Variants in KIFAP3 observed in about 807,000 individuals in gnomAD.
The protein encoded by KIFAP3 is kinesin associated protein 3.
Under a neutral mutation model 106.5 loss-of-function variants are expected in KIFAP3, and 68 were observed. That is an observed-to-expected ratio of 0.64 (90% CI 0.53 to 0.78). The LOEUF (loss-of-function observed/expected upper bound fraction) is 0.78. KIFAP3 is among the 30% of genes least tolerant of loss of function. KIFAP3 has a pLI of 0.00. For synonymous variants in KIFAP3, 320 were observed against 311.5 expected, an observed-to-expected ratio of 1.03 and a Z score of -0.29; for missense variants, 780 against 941.8, an observed-to-expected ratio of 0.83 and a Z score of 2.25.
intron 18 of KIFAP3, among the ~76,000 whole-genome samples, chr1:169,958,516 A>G (rs16862850): frequency 0.021 from 3,177 of 152,316 alleles, 117 homozygotes; most frequent in African/African-American, 0.069. Context: ...AGAAAAAGAA[A>G]TAACTAAAAT....
chr1:169,921,906 T>C, intron 19 of KIFAP3, 125 bp from the exon 20 acceptor site: 1 of 589,476 alleles, frequency 1.7e-6, no homozygotes, highest in Non-Finnish European at 2.7e-6. Context: ...TTTAGGTGGA[T>C]ATCATTAACT....
chr1:170,061,873 T>G (rs1306988194), intron 1 of KIFAP3, among the ~76,000 whole-genome samples: 1 of 152,160 alleles, frequency 6.6e-6, no homozygotes. Flanking sequence ...GGGACATGGA[T>G]GAAGCTGGAA....
intron 1 of KIFAP3, among the ~76,000 whole-genome samples, chr1:170,062,420 C>A (rs947519694): frequency 6.6e-6 from 1 of 151,888 alleles, no homozygotes; most frequent in African/African-American, 2.4e-5. Context: ...GCTTACAAAA[C>A]TTCTTTTGTT....
chr1:169,934,402 T>C (rs1474644792), intron 19 of KIFAP3, among the ~76,000 whole-genome samples: 1 of 152,154 alleles, frequency 6.6e-6, no homozygotes, highest in Admixed American at 6.6e-5. Flanking sequence ...TGAAACTTAC[T>C]GACAGATTCT....
intron 1 of KIFAP3, among the ~76,000 whole-genome samples, chr1:170,084,485 C>T (rs1454118021): frequency 6.6e-6 from 1 of 152,158 alleles, no homozygotes; most frequent in Non-Finnish European, 1.5e-5. Context: ...TAATTATTGA[C>T]TATATTAATG....
chr1:169,929,500 T>C (rs1558170621), intron 19 of KIFAP3, among the ~76,000 whole-genome samples: 1 of 152,124 alleles, frequency 6.6e-6, no homozygotes, highest in Non-Finnish European at 1.5e-5. Flanking sequence ...AATAAATATA[T>C]ATTTTAAGTT....
In KIFAP3 at chr1:170,035,481, A is replaced by C; in HGVS notation, c.590T>G (p.Ile197Arg). The C allele has an allele frequency of 6.2e-7, 1 of 1,608,490 alleles. No individual in the cohort carries two copies. Among genetic ancestry groups the C allele is most frequent in the Non-Finnish European group, 8.5e-7 (1 of 1,176,946 alleles). ...WKQSVELATN[I>R]IYIFFCFSSF... ...GGAGAAACAAAAAAAGATGTAAATT[A>C]TGTTTGTAGCTAACTCGACACTTTG... Residue 197 changes from isoleucine to arginine, a missense_variant, in exon 6 of 20, where the codon ATA (isoleucine) becomes AGA (arginine). Ile to Arg is a moderately conservative substitution (Grantham distance 97, BLOSUM62 -3). This residue lies in a region of KIFAP3 where 588 missense variants were observed against 678.9 expected (regional missense o/e 0.87). Transcript: ENST00000361580.
chr1:169,935,363 T>A (rs1288550190), intron 19 of KIFAP3, among the ~76,000 whole-genome samples: 1 of 152,040 alleles, frequency 6.6e-6, no homozygotes, highest in Non-Finnish European at 1.5e-5. Context: ...TGATACTGTC[T>A]ACACAAATCT....
At chr1:170,061,034 T>G (rs564764085) in intron 1 of KIFAP3, among the ~76,000 whole-genome samples, 1 of 152,186 alleles carries the variant, frequency 6.6e-6, no homozygotes, top group Non-Finnish European at 1.5e-5. Context: ...AAGACTTAAA[T>G]GTTAGACCTA....
intron 15 of KIFAP3, among the ~76,000 whole-genome samples, chr1:169,978,880 G>C (rs1666367236): frequency 6.6e-6 from 1 of 152,010 alleles, no homozygotes; most frequent in Admixed American, 6.6e-5. Context: ...GTCCCTTAAA[G>C]TTCAATTTGT....
At chr1:170,004,255 A>G (rs937731805) in intron 10 of KIFAP3, among the ~76,000 whole-genome samples, 11 of 152,216 alleles carry the variant, frequency 7.2e-5, no homozygotes, top group African/African-American at 2.4e-4. Flanking sequence ...TAGGAAGAAT[A>G]AATATTGTGA....
intron 19 of KIFAP3, among the ~76,000 whole-genome samples, chr1:169,928,723 T>TAAAAAAAAAAAAAAAAAAAAAAAAAA (rs1258694998): frequency 4.6e-4 from 30 of 65,396 alleles, no homozygotes; most frequent in South Asian, 1.0e-3. Flanking sequence ...AAAAAAAAAT[T>TAAAAAAAAAAAAAAAAAAAAAAAAAA]AAAGTTATAC....
chr1:170,045,463 A>G (rs1168347786), intron 3 of KIFAP3, among the ~76,000 whole-genome samples: 1 of 152,208 alleles, frequency 6.6e-6, no homozygotes, highest in Non-Finnish European at 1.5e-5. Flanking sequence ...AAAAGAGCCT[A>G]TATGGCCAAC....
Position 169,921,897 on chromosome 1 carries a change from T to G in KIFAP3, c.2274-116A>C, listed in dbSNP as rs544733595. 177 of 717,848 alleles carry G rather than the reference T, an allele frequency of 2.5e-4. 2 individuals are homozygous for G. In the South Asian group the frequency reaches 3.1e-3, roughly 12 times the overall value. 44.5% of individuals were successfully genotyped at this position (717,848 alleles called of 1,614,324 possible). ...TTCTCTTCCTAGCAGGGATAGTGAT[T>G]TAGGTGGATATCATTAACTTTTTTT... On this transcript the variant is annotated intron_variant, in intron 19 of 19. Coordinates refer to ENST00000361580, the MANE Select transcript of KIFAP3 (RefSeq NM_014970.4).
rs796207132 is a variant in KIFAP3, at chr1:169,971,743, T to C, written c.1983+770A>G. On this transcript the variant is annotated intron_variant, in intron 17 of 19. Coordinates refer to ENST00000361580, the MANE Select transcript of KIFAP3 (RefSeq NM_014970.4). ...TGTTTAAAAAGCTAAAGTTAAACTT[T>C]TAAAACTACTGAGTAGGCTACATTC... 1.3e-5 allele frequency among the ~76,000 whole-genome samples: 2 copies of C among 152,042 alleles called. 1 individual carries two copies. The highest frequency in any genetic ancestry group is 4.1e-4 in the South Asian group (2 of 4,826).
At chr1:169,927,566 G>T (rs942859734) in intron 19 of KIFAP3, among the ~76,000 whole-genome samples, 1 of 152,120 alleles carries the variant, frequency 6.6e-6, no homozygotes, top group African/African-American at 2.4e-5. Context: ...CACCATGGAG[G>T]GCAAGGAGTG....
chr1:170,047,257 A>T (rs758509089), intron 2 of KIFAP3, among the ~76,000 whole-genome samples: 1 of 152,114 alleles, frequency 6.6e-6, no homozygotes, highest in Non-Finnish European at 1.5e-5. Flanking sequence ...AGCTAGGGAC[A>T]AGACACAATA....
At chr1:169,977,606 T>A (rs1214662156) in intron 16 of KIFAP3, among the ~76,000 whole-genome samples, 4 of 152,140 alleles carry the variant, frequency 2.6e-5, no homozygotes, top group African/African-American at 9.7e-5. Context: ...GGCTACAACA[T>A]GCTATGCCCC....
chr1:169,988,023 T>C (rs7514634), intron 11 of KIFAP3, among the ~76,000 whole-genome samples: 25,220 of 151,862 alleles, frequency 0.17, 2,252 homozygotes, highest in Middle Eastern at 0.22. Flanking sequence ...ACCTGGCCCC[T>C]AAATTTTACA....
Sources: allele counts gnomAD v4.1 joint callset (sites outside exome capture counted in the v4.1 genomes callset), GRCh38; gene constraint gnomAD v4.1.1; regional missense constraint gnomAD v4.1.1; transcripts MANE v1.5; gene names NCBI Gene and HGNC (gene_info 2026-07-23, HGNC 2026-07-21).